Variants in CSMD1 observed in about 807,000 individuals in gnomAD.
The protein encoded by CSMD1 is CUB and Sushi multiple domains 1, also known as CUB and sushi domain-containing protein 1.
CSMD1 carries 213 observed loss-of-function variants against 417.5 expected under a neutral mutation model. The ratio of observed to expected loss-of-function variants is 0.51; its 90% CI spans 0.46 to 0.57. The LOEUF (loss-of-function observed/expected upper bound fraction) is 0.57. CSMD1 is among the 20% of genes least tolerant of loss of function. The probability of loss-of-function intolerance (pLI) is 0.00; values close to 1 mark genes in which losing one functional copy is unlikely to be tolerated. For synonymous variants in CSMD1, 2,862 were observed against 1,736.8 expected (o/e 1.65, Z -16.11); for missense variants, 6,923 against 4,529.7 (o/e 1.53, Z -15.17).
intron 3 of CSMD1, among the ~76,000 whole-genome samples, chr8:4,179,409 C>G (rs1269559991): frequency 1.3e-5 from 2 of 152,056 alleles, no homozygotes; most frequent in Non-Finnish European, 2.9e-5. Context: ...CTTCCTTACA[C>G]CCTATACAAA....
intron 49 of CSMD1, among the ~76,000 whole-genome samples, chr8:3,081,837 A>C (rs879500576): frequency 6.6e-6 from 1 of 152,336 alleles, no homozygotes; most frequent in South Asian, 2.1e-4. Context: ...TTTAAAATCC[A>C]CTGCCTCATT....
intron 3 of CSMD1, among the ~76,000 whole-genome samples, chr8:4,390,725 G>A (rs189409440): frequency 6.6e-6 from 1 of 151,764 alleles, no homozygotes; most frequent in Non-Finnish European, 1.5e-5. Flanking sequence ...ATGTTAGCCA[G>A]GATGGTCTCG....
intron 2 of CSMD1, among the ~76,000 whole-genome samples, chr8:4,493,610 G>A (rs1205000121): frequency 6.6e-6 from 1 of 152,176 alleles, no homozygotes; most frequent in African/African-American, 2.4e-5. Context: ...TGGGGAGATT[G>A]CTTGAGGCCA....
intron 2 of CSMD1, among the ~76,000 whole-genome samples, chr8:4,451,292 C>T (rs1799130991): frequency 2.0e-5 from 3 of 152,076 alleles, no homozygotes; most frequent in African/African-American, 4.8e-5. Context: ...CCAATCATGA[C>T]TCCATCAATC....
intron 12 of CSMD1, among the ~76,000 whole-genome samples, chr8:3,424,776 T>A (rs775956958): frequency 6.6e-6 from 1 of 152,220 alleles, no homozygotes; most frequent in Non-Finnish European, 1.5e-5. Flanking sequence ...AAGGAACCCT[T>A]ATTTGACTTA....
At chr8:4,906,635 C>CA (rs1805299159) in intron 1 of CSMD1, among the ~76,000 whole-genome samples, 1 of 151,990 alleles carries the variant, frequency 6.6e-6, no homozygotes, top group Non-Finnish European at 1.5e-5. Context: ...CTCAGCTGTG[C>CA]AACCTCCAAC....
At position 4,280,062 on chromosome 8, in the gene CSMD1, G is replaced by A. The variant is rs545928622; in HGVS notation, c.415+139891C>T. ...TGAACTCATAGCTAGAACGCTGAGC[G>A]TTAACTAACGCGTTGAAAATAAATA... On this transcript the variant is annotated intron_variant, in intron 3 of 69. Coordinates refer to ENST00000635120, the MANE Select transcript of CSMD1 (RefSeq NM_033225.6). Among the ~76,000 whole-genome samples, 35 of 152,348 alleles carry A rather than the reference G, an allele frequency of 2.3e-4. No homozygotes were observed. The South Asian group carries it at 2.9e-3, about 13-fold the overall frequency.
chr8:4,323,097 A>G (rs911798681), intron 3 of CSMD1, among the ~76,000 whole-genome samples: 1 of 152,114 alleles, frequency 6.6e-6, no homozygotes, highest in African/African-American at 2.4e-5. Context: ...TGGAAAAATC[A>G]TATGATTTTA....
intron 23 of CSMD1, among the ~76,000 whole-genome samples, chr8:3,313,314 C>A (rs913470700): frequency 6.6e-6 from 1 of 152,118 alleles, no homozygotes; most frequent in Non-Finnish European, 1.5e-5. Flanking sequence ...AAAGAAACCA[C>A]CATCAGAGTG....
chr8:4,198,934 C>G (rs1331023265), intron 3 of CSMD1, among the ~76,000 whole-genome samples: 1 of 143,318 alleles, frequency 7.0e-6, no homozygotes, highest in East Asian at 2.0e-4. Flanking sequence ...TTTTGTATTT[C>G]CGTGTGTGTA....
rs754916639 is a variant in CSMD1 at position 3,817,144 on chromosome 8, T to A, written c.819-63102A>T. On this transcript the variant is annotated intron_variant, in intron 5 of 69. Transcript: ENST00000635120. ...GAGAGCTCTTCATGATGAAGGGACA[T>A]GTGTTCCTCGAGTAGAAAGAGACGA... Among the ~76,000 whole-genome samples, 6 of 150,900 alleles carry A rather than the reference T, an allele frequency of 4.0e-5. No homozygotes were observed. In the South Asian group the frequency reaches 1.3e-3, roughly 32 times the overall value.
chr8:4,433,518 C>G (rs1018253533), intron 2 of CSMD1, among the ~76,000 whole-genome samples: 1 of 152,140 alleles, frequency 6.6e-6, no homozygotes, highest in Non-Finnish European at 1.5e-5. Context: ...AAGGCAGCCC[C>G]AGATCCCCCT....
chr8:4,918,201 G>C (rs533024169), intron 1 of CSMD1, among the ~76,000 whole-genome samples: 1 of 152,304 alleles, frequency 6.6e-6, no homozygotes, highest in African/African-American at 2.4e-5. Context: ...CATTACGAAG[G>C]GGATGATGCT....
At chr8:3,290,715 G>A (rs1485918831) in intron 25 of CSMD1, among the ~76,000 whole-genome samples, 1 of 147,064 alleles carries the variant, frequency 6.8e-6, no homozygotes, top group Non-Finnish European at 1.5e-5. Context: ...TCAGCTTAAG[G>A]AGATTTTGGG....
intron 7 of CSMD1, among the ~76,000 whole-genome samples, chr8:3,644,504 A>T (rs1797476794): frequency 6.6e-6 from 1 of 152,206 alleles, no homozygotes; most frequent in African/African-American, 2.4e-5. Context: ...TCTGATTAGC[A>T]AAAAGAAGAT....
chr8:3,506,297 T>C (rs1796824689), intron 10 of CSMD1, among the ~76,000 whole-genome samples: 1 of 152,172 alleles, frequency 6.6e-6, no homozygotes, highest in Non-Finnish European at 1.5e-5. Flanking sequence ...GTGCCTCAGA[T>C]TCCTACTACC....
chr8:3,199,093 A>C (rs1796855543), intron 33 of CSMD1, among the ~76,000 whole-genome samples: 1 of 152,238 alleles, frequency 6.6e-6, no homozygotes, highest in African/African-American at 2.4e-5. Flanking sequence ...AAGTGAAACA[A>C]ATTAGGAGAA....
chr8:4,837,451 G>A (rs760408017), intron 1 of CSMD1, among the ~76,000 whole-genome samples: 3 of 152,196 alleles, frequency 2.0e-5, no homozygotes, highest in Admixed American at 1.3e-4. Flanking sequence ...CAACATGGAT[G>A]CAACTGGAGA....
chr8:4,307,549 T>A (rs1798314927), intron 3 of CSMD1, among the ~76,000 whole-genome samples: 1 of 152,228 alleles, frequency 6.6e-6, no homozygotes, highest in Non-Finnish European at 1.5e-5. Context: ...TAGCATATTT[T>A]AAAATGTTGC....
Sources: allele counts gnomAD v4.1 joint callset (sites outside exome capture counted in the v4.1 genomes callset), GRCh38; gene constraint gnomAD v4.1.1; transcripts MANE v1.5; gene names NCBI Gene and HGNC (gene_info 2026-07-23, HGNC 2026-07-21).